CACNA2D3: variants seen among roughly 807,000 people sequenced by gnomAD.
CACNA2D3 encodes the protein calcium voltage-gated channel auxiliary subunit alpha2delta 3.
CACNA2D3 carries 60 observed loss-of-function variants against 160.6 expected under a neutral mutation model. The observed-to-expected ratio is 0.37, with a 90% confidence interval of 0.30 to 0.46. The LOEUF (loss-of-function observed/expected upper bound fraction) is 0.46. Among genes scored for constraint, CACNA2D3 ranks in the 20% least tolerant of loss-of-function variants. CACNA2D3 has a pLI of 1.00. For missense variants in CACNA2D3, 1,205 were observed against 1,365.0 expected (o/e 0.88, Z 1.85); for synonymous variants, 558 against 492.9 (o/e 1.13, Z -1.75).
At chr3:54,717,510 A>G (rs945507881) in intron 11 of CACNA2D3, among the ~76,000 whole-genome samples, 4 of 151,332 alleles carry the variant, frequency 2.6e-5, no homozygotes, top group South Asian at 4.2e-4. Context: ...GTGTCTGTGT[A>G]TGCGTGTGTG....
intron 11 of CACNA2D3, among the ~76,000 whole-genome samples, chr3:54,646,194 G>GCTTCCTTCCTTCCTTCCTTCCTTCCTTC (rs1169806180): frequency 7.4e-5 from 1 of 13,434 alleles, no homozygotes; most frequent in Non-Finnish European, 2.2e-4. Flanking sequence ...CTCCTTCCTT[G>GCTTCCTTCCTTCCTTCCTTCCTTCCTTC]CTTCCTTCCT....
intron 11 of CACNA2D3, among the ~76,000 whole-genome samples, chr3:54,717,764 GTGTGTGGTGTGTGTGCA>G (rs1701085280): frequency 8.1e-6 from 1 of 123,174 alleles, no homozygotes; most frequent in Non-Finnish European, 1.8e-5. Flanking sequence ...GTGCAAGCGT[GTGTGTGGTGTGTGTGCA>G]TGTGCGTGTG....
chr3:54,703,592 G>A (rs1055621511), intron 11 of CACNA2D3, among the ~76,000 whole-genome samples: 1 of 152,102 alleles, frequency 6.6e-6, no homozygotes, highest in Non-Finnish European at 1.5e-5. Context: ...CTCCTACCAG[G>A]TTTTGATTGG....
chr3:54,243,768 C>T (rs563761441), intron 2 of CACNA2D3, among the ~76,000 whole-genome samples: 1 of 152,350 alleles, frequency 6.6e-6, no homozygotes, highest in Non-Finnish European at 1.5e-5. Flanking sequence ...TGCTCTGACC[C>T]AGCTCTGCCG....
intron 35 of CACNA2D3, among the ~76,000 whole-genome samples, chr3:55,031,918 T>A (rs1159578287): frequency 6.6e-6 from 1 of 152,142 alleles, no homozygotes; most frequent in African/African-American, 2.4e-5. Flanking sequence ...GTACTGACTT[T>A]TAGAAAACAA....
At chr3:54,999,655 C>T (rs1343049528) in intron 31 of CACNA2D3, among the ~76,000 whole-genome samples, 1 of 152,174 alleles carries the variant, frequency 6.6e-6, no homozygotes, top group African/African-American at 2.4e-5. Context: ...TACCTGGCCT[C>T]ACGGTACATA....
intron 3 of CACNA2D3, among the ~76,000 whole-genome samples, chr3:54,322,493 A>T (rs146826816): frequency 3.6e-4 from 55 of 152,370 alleles, no homozygotes; most frequent in African/African-American, 1.3e-3. Context: ...GAAATGACCA[A>T]ACAGGCTTGG....
intron 9 of CACNA2D3, among the ~76,000 whole-genome samples, chr3:54,596,010 T>G (rs1384134408): frequency 6.6e-6 from 1 of 152,122 alleles, no homozygotes; most frequent in Non-Finnish European, 1.5e-5. Context: ...AATTTGGCTA[T>G]TAACTATGAA....
At chr3:54,796,167 A>G (rs924610716) in intron 13 of CACNA2D3, among the ~76,000 whole-genome samples, 1 of 152,142 alleles carries the variant, frequency 6.6e-6, no homozygotes, top group Non-Finnish European at 1.5e-5. Context: ...TCCCTTCATT[A>G]TCCATTAACA....
intron 2 of CACNA2D3, among the ~76,000 whole-genome samples, chr3:54,165,825 C>T (rs1410791726): frequency 6.6e-6 from 1 of 152,048 alleles, no homozygotes; most frequent in African/African-American, 2.4e-5. Context: ...AATGAAGAAA[C>T]AAAGCTGATT....
chr3:54,288,729 CA>C (rs1703102471), intron 2 of CACNA2D3, among the ~76,000 whole-genome samples: 1 of 152,142 alleles, frequency 6.6e-6, no homozygotes, highest in Non-Finnish European at 1.5e-5. Flanking sequence ...CCACCATGAT[CA>C]AGTGGGCTTC....
chr3:54,128,045 C>T (rs1699631118), intron 2 of CACNA2D3, among the ~76,000 whole-genome samples: 1 of 152,026 alleles, frequency 6.6e-6, no homozygotes. Flanking sequence ...AGATGCTACT[C>T]AAAATTAAGG....
intron 11 of CACNA2D3, among the ~76,000 whole-genome samples, chr3:54,751,806 G>A (rs754236578): frequency 1.6e-4 from 25 of 152,298 alleles, no homozygotes; most frequent in Middle Eastern, 3.4e-3. Context: ...TGGCCCATCC[G>A]AAGGGTTTTG....
At chr3:54,469,656 C>T (rs1478193583) in intron 4 of CACNA2D3, among the ~76,000 whole-genome samples, 1 of 151,876 alleles carries the variant, frequency 6.6e-6, no homozygotes, top group African/African-American at 2.4e-5. Context: ...ATGTTCTAAC[C>T]CGATACAAGG....
rs777351450 is a variant in CACNA2D3, at chr3:54,918,541, T to A, written c.2449+18673T>A. The stretch of plus-strand genomic sequence containing the variant: ...TTGAGCCAAGGGTCCCCCATGGTAC[T>A]GGGCTGTGATTGCCGCATAGGTGCA... On this transcript the variant is annotated intron_variant, in intron 27 of 37. Coordinates refer to ENST00000474759, the MANE Select transcript of CACNA2D3 (RefSeq NM_018398.3). 2.5e-6 allele frequency: 4 copies of A among 1,613,990 alleles called. No individual in the cohort carries two copies. The Admixed American group carries it at 5.0e-5, about 20-fold the overall frequency.
chr3:54,782,506 C>A (rs1056221254), intron 13 of CACNA2D3, among the ~76,000 whole-genome samples: 2 of 152,010 alleles, frequency 1.3e-5, no homozygotes, highest in Admixed American at 1.3e-4. Context: ...GTGAATTCTT[C>A]CTTCGTTTTA....
At position 55,009,452 on chromosome 3, in the gene CACNA2D3, C is replaced by A; in HGVS notation, c.2875+9C>A. 1 of 1,613,098 alleles carries A rather than the reference C, an allele frequency of 6.2e-7. No individual in the cohort carries two copies. Among genetic ancestry groups the A allele is most frequent in the Non-Finnish European group, 8.5e-7 (1 of 1,179,074 alleles). Reference sequence around the variant, plus strand: ...CGATATGACAGCTAAAGGTGAGCAGCAACTGGTTTCTGTTTCCCAGCTTGG... The same window carrying A: ...CGATATGACAGCTAAAGGTGAGCAGAAACTGGTTTCTGTTTCCCAGCTTGG... On this transcript the variant is annotated intron_variant, in intron 34 of 37. Coordinates refer to ENST00000474759, the MANE Select transcript of CACNA2D3 (RefSeq NM_018398.3).
intron 11 of CACNA2D3, among the ~76,000 whole-genome samples, chr3:54,717,525 T>G (rs1028895278): frequency 1.3e-5 from 2 of 150,438 alleles, no homozygotes; most frequent in East Asian, 2.0e-4. Flanking sequence ...TGTGTGTGTG[T>G]GGTGTGTGTG....
chr3:54,770,431 C>T (rs990623103), intron 13 of CACNA2D3, among the ~76,000 whole-genome samples: 1 of 152,138 alleles, frequency 6.6e-6, no homozygotes, highest in Non-Finnish European at 1.5e-5. Flanking sequence ...GAAATAACTC[C>T]AAGAACAGTT....
Sources: allele counts gnomAD v4.1 joint callset (sites outside exome capture counted in the v4.1 genomes callset), GRCh38; gene constraint gnomAD v4.1.1; transcripts MANE v1.5; gene names NCBI Gene and HGNC (gene_info 2026-07-23, HGNC 2026-07-21).